Variants in MEIKIN observed in about 807,000 individuals in gnomAD.
MEIKIN encodes meiotic kinetochore factor.
intron 9 of MEIKIN, among the ~76,000 whole-genome samples, chr5:131,867,279 C>T (rs944580512): frequency 1.3e-5 from 2 of 152,142 alleles, no homozygotes; most frequent in Admixed American, 1.3e-4. Flanking sequence ...TCATATATCC[C>T]CAGTCCCCAT....
At chr5:131,852,394 G>A (rs1022914942) in intron 10 of MEIKIN, among the ~76,000 whole-genome samples, 1 of 152,136 alleles carries the variant, frequency 6.6e-6, no homozygotes, top group Admixed American at 6.5e-5. Flanking sequence ...GCGGAACTGT[G>A]AGCCAATTGA....
chr5:131,819,698 C>T (rs1415853823), intron 11 of MEIKIN, among the ~76,000 whole-genome samples: 3 of 142,764 alleles, frequency 2.1e-5, no homozygotes, highest in East Asian at 4.2e-4. Context: ...CTCCCACGTT[C>T]AAGTGATTTT....
intron 10 of MEIKIN, among the ~76,000 whole-genome samples, chr5:131,854,343 G>T (rs929049820): frequency 1.3e-5 from 2 of 152,122 alleles, no homozygotes; most frequent in Non-Finnish European, 2.9e-5. Context: ...GTAGGGAGGA[G>T]CAGGAAGTTA....
chr5:131,894,310 T>C (rs182134669), intron 8 of MEIKIN, among the ~76,000 whole-genome samples: 1 of 152,232 alleles, frequency 6.6e-6, no homozygotes, highest in Non-Finnish European at 1.5e-5. Context: ...AGCCTTGTAG[T>C]ATAGTTTGAA....
chr5:131,875,219 T>C (rs1454472313), intron 9 of MEIKIN, among the ~76,000 whole-genome samples: 1 of 152,224 alleles, frequency 6.6e-6, no homozygotes, highest in Non-Finnish European at 1.5e-5. Flanking sequence ...TGTTTGCAGA[T>C]GACATGATTG....
At chr5:131,830,680 T>C (rs1749700259) in intron 11 of MEIKIN, among the ~76,000 whole-genome samples, 1 of 152,162 alleles carries the variant, frequency 6.6e-6, no homozygotes, top group Non-Finnish European at 1.5e-5. Context: ...TGTAGGCATG[T>C]GAAAAAGTCA....
Position 131,934,111 on chromosome 5 carries a change from T to C in MEIKIN, c.350-470A>G, listed in dbSNP as rs147764718. On this transcript the variant is annotated intron_variant, in intron 4 of 12. Coordinates refer to ENST00000442687, the MANE Select transcript of MEIKIN (RefSeq NM_001303622.2). ...GGATTACAGGAATGTGCCACCATCC[T>C]GGCTAATTATTTTTTTTTTATTTTT... Among the ~76,000 whole-genome samples the C allele has an allele frequency of 6.0e-3, 915 of 151,976 alleles. 9 individuals carry two copies. Among genetic ancestry groups the C allele is most frequent in the African/African-American group, 0.021 (879 of 41,488 alleles).
chr5:131,884,130 G>A (rs560081459), intron 8 of MEIKIN, among the ~76,000 whole-genome samples: 2 of 141,146 alleles, frequency 1.4e-5, no homozygotes, highest in Admixed American at 7.2e-5. Flanking sequence ...GCTGAACTGG[G>A]CTCAGAGCCA....
intron 11 of MEIKIN, among the ~76,000 whole-genome samples, chr5:131,837,547 T>C (rs1749831383): frequency 6.6e-6 from 1 of 152,184 alleles, no homozygotes; most frequent in Non-Finnish European, 1.5e-5. Context: ...CAGTGGCTTG[T>C]AGTTCTCTTC....
chr5:131,826,945 A>C (rs922684662), intron 11 of MEIKIN, among the ~76,000 whole-genome samples: 3 of 152,196 alleles, frequency 2.0e-5, no homozygotes, highest in Non-Finnish European at 4.4e-5. Flanking sequence ...CAAAATAGAA[A>C]GTATTAGTTT....
chr5:131,873,865 G>A (rs1358003868), intron 9 of MEIKIN, among the ~76,000 whole-genome samples: 2 of 152,172 alleles, frequency 1.3e-5, no homozygotes, highest in East Asian at 3.8e-4. Context: ...CAACTGCATG[G>A]AAACTGAACA....
At chr5:131,885,269 C>T (rs909183606) in intron 8 of MEIKIN, among the ~76,000 whole-genome samples, 1 of 151,590 alleles carries the variant, frequency 6.6e-6, no homozygotes, top group Non-Finnish European at 1.5e-5. Context: ...AGCACAGTCC[C>T]AGTATTGGGA....
chr5:131,813,488 A>G (rs1044628305), intron 12 of MEIKIN, among the ~76,000 whole-genome samples: 82 of 148,360 alleles, frequency 5.5e-4, no homozygotes, highest in African/African-American at 2.0e-3. Flanking sequence ...GTGCAGTGGC[A>G]TGATCTTGGC....
chr5:131,898,029 T>C (rs1170037595), intron 8 of MEIKIN, among the ~76,000 whole-genome samples: 1 of 152,182 alleles, frequency 6.6e-6, no homozygotes, highest in African/African-American at 2.4e-5. Context: ...TTTCCTCCCA[T>C]CTTTGTGGTT....
chr5:131,921,926 T>G lies in MEIKIN; in HGVS notation c.494A>C (p.Asn165Thr), dbSNP rs983980919. Residue 165 changes from asparagine to threonine, a missense_variant, in exon 6 of 13, where the codon AAC (asparagine) becomes ACC (threonine). Transcript: ENST00000442687. ...CTTCCACTGCATGTGTTCTTCCAAG[T>G]TGGGACACTCCCAGTCTAAAACAGC... is the stretch of plus-strand genomic sequence containing the variant. Reference protein sequence around the residue: ...KSDYLDWECPNLEEHMQWKNS... With the variant: ...KSDYLDWECPTLEEHMQWKNS... 2 of 398,890 alleles carry G rather than the reference T, an allele frequency of 5.0e-6. No individual in the cohort carries two copies. 24.7% of individuals were successfully genotyped at this position (398,890 alleles called of 1,614,324 possible).
intron 11 of MEIKIN, among the ~76,000 whole-genome samples, chr5:131,829,164 A>G (rs1049870173): frequency 6.6e-6 from 1 of 152,234 alleles, no homozygotes; most frequent in Non-Finnish European, 1.5e-5. Flanking sequence ...GCAACACTGG[A>G]AGCTAGAACT....
intron 4 of MEIKIN, among the ~76,000 whole-genome samples, chr5:131,934,632 T>A (rs1171108752): frequency 6.6e-6 from 1 of 152,162 alleles, no homozygotes; most frequent in Non-Finnish European, 1.5e-5. Flanking sequence ...TTTTAAAAAA[T>A]GGAGAAAACT....
At chr5:131,857,097 A>G (rs2149617489) in intron 9 of MEIKIN, among the ~76,000 whole-genome samples, 1 of 152,224 alleles carries the variant, frequency 6.6e-6, no homozygotes, top group East Asian at 1.9e-4. Context: ...TATAGTGGGA[A>G]GACGGAACCT....
intron 12 of MEIKIN, among the ~76,000 whole-genome samples, chr5:131,817,107 C>A (rs1414437593): frequency 6.6e-6 from 1 of 152,108 alleles, no homozygotes; most frequent in African/African-American, 2.4e-5. Flanking sequence ...TCTTCTGGAG[C>A]GAGGACATCC....
Sources: gnomAD v4.1 joint callset for allele counts (sites outside exome capture counted in the v4.1 genomes callset) on GRCh38, gnomAD v4.1.1 for gene constraint, MANE v1.5 for transcripts, NCBI Gene and HGNC (gene_info 2026-07-23, HGNC 2026-07-21) for gene names.